GBE1: variants seen among roughly 807,000 people sequenced by gnomAD.
GBE1 encodes 1,4-alpha-glucan branching enzyme 1, also known as 1,4-alpha-glucan-branching enzyme.
Under a neutral mutation model 88.8 loss-of-function variants are expected in GBE1, and 70 were observed. The observed-to-expected ratio is 0.79, with a 90% CI of 0.65 to 0.96. GBE1 has a LOEUF of 0.96. GBE1 is among the 40% of genes least tolerant of loss of function. The pLI is 0.00. For synonymous variants in GBE1, 284 were observed against 300.1 expected (o/e 0.95, Z 0.56); for missense variants, 872 against 871.0 (o/e 1.00, Z -0.01).
At chr3:81,603,632 T>C (rs1287365695) in intron 7 of GBE1, among the ~76,000 whole-genome samples, 2 of 152,058 alleles carry the variant, frequency 1.3e-5, no homozygotes, top group East Asian at 1.9e-4. Flanking sequence ...GTAGCTGGGA[T>C]TACAGGCACC....
intron 3 of GBE1, among the ~76,000 whole-genome samples, chr3:81,654,235 A>G (rs914952984): frequency 3.9e-5 from 6 of 152,214 alleles, no homozygotes; most frequent in African/African-American, 1.4e-4. Context: ...TAACTTAGTG[A>G]ATGGTTTAAA....
chr3:81,667,302 T>C (rs1288980051), intron 3 of GBE1, among the ~76,000 whole-genome samples: 1 of 152,198 alleles, frequency 6.6e-6, no homozygotes, highest in Non-Finnish European at 1.5e-5. Flanking sequence ...TTTTGTATCC[T>C]GAGACTCCAC....
chr3:81,494,080 G>A (rs996774815), intron 15 of GBE1, among the ~76,000 whole-genome samples: 1 of 151,750 alleles, frequency 6.6e-6, no homozygotes. Context: ...GAAATACTTT[G>A]TAATAATATA....
intron 14 of GBE1, among the ~76,000 whole-genome samples, chr3:81,514,866 GA>G (rs1403960991): frequency 6.6e-6 from 1 of 151,536 alleles, no homozygotes; most frequent in Non-Finnish European, 1.5e-5. Context: ...GATACTCATT[GA>G]AAAAGGTAAT....
intron 14 of GBE1, among the ~76,000 whole-genome samples, chr3:81,522,569 TA>T (rs938586039): frequency 2.6e-5 from 4 of 151,370 alleles, no homozygotes; most frequent in African/African-American, 9.7e-5. Flanking sequence ...ATATATAAAG[TA>T]AAAAACATGA....
At chr3:81,667,430 C>G (rs1032968508) in intron 3 of GBE1, among the ~76,000 whole-genome samples, 16 of 152,056 alleles carry the variant, frequency 1.1e-4, no homozygotes, top group Non-Finnish European at 2.1e-4. Flanking sequence ...TTTTGAATAC[C>G]CTTTATTTCT....
rs529824903 is a variant in GBE1, at chr3:81,749,163, AT to A, written c.143+12211del. Among the ~76,000 whole-genome samples, 87 of 152,324 alleles carry A rather than the reference AT, an allele frequency of 5.7e-4. 2 individuals carry two copies. In the South Asian group the frequency reaches 0.018, roughly 31 times the overall value. The stretch of plus-strand genomic sequence containing the variant: ...ATATTCATATCTTAGGTTTACTGTA[AT>A]ATTTGTAATAGCCAAAAACTGGGAA... On this transcript the variant is annotated intron_variant, in intron 1 of 15. Coordinates refer to ENST00000429644, the MANE Select transcript of GBE1 (RefSeq NM_000158.4).
chr3:81,555,379 GCTAA>G (rs2106901325), intron 12 of GBE1, among the ~76,000 whole-genome samples: 1 of 152,164 alleles, frequency 6.6e-6, no homozygotes, highest in Non-Finnish European at 1.5e-5. Context: ...CTTCCATATG[GCTAA>G]CTCATTCTTT....
At chr3:81,503,789 T>C (rs1299102122) in intron 14 of GBE1, among the ~76,000 whole-genome samples, 1 of 152,178 alleles carries the variant, frequency 6.6e-6, no homozygotes, top group Non-Finnish European at 1.5e-5. Flanking sequence ...AGTGTTTTCA[T>C]ATACAGTTTC....
chr3:81,664,136 T>C (rs1705075202), intron 3 of GBE1, among the ~76,000 whole-genome samples: 1 of 152,148 alleles, frequency 6.6e-6, no homozygotes, highest in African/African-American at 2.4e-5. Context: ...TACCTAGGAA[T>C]GCTAGGGGCA....
chr3:81,545,636 G>GTATGTGTGTGTGTT (rs1553681147), intron 12 of GBE1, among the ~76,000 whole-genome samples: 1 of 151,994 alleles, frequency 6.6e-6, no homozygotes, highest in Admixed American at 6.6e-5. Flanking sequence ...GTGTGTGTGT[G>GTATGTGTGTGTGTT]TATGTGTGTG....
At chr3:81,620,694 C>T (rs535910071) in intron 7 of GBE1, among the ~76,000 whole-genome samples, 1 of 151,854 alleles carries the variant, frequency 6.6e-6, no homozygotes, top group South Asian at 2.1e-4. Context: ...GTAATTTATA[C>T]AATATTAGAT....
At chr3:81,726,616 T>C (rs1706116188) in intron 1 of GBE1, among the ~76,000 whole-genome samples, 1 of 150,804 alleles carries the variant, frequency 6.6e-6, no homozygotes. Context: ...GGAGTCTCTG[T>C]CTGTCTTCAG....
At chr3:81,554,526 G>A (rs116163465) in intron 12 of GBE1, among the ~76,000 whole-genome samples, 5 of 152,240 alleles carry the variant, frequency 3.3e-5, no homozygotes, top group South Asian at 2.1e-4. Flanking sequence ...ATATGCTACC[G>A]CTAAGTCAGA....
At chr3:81,569,302 A>T (rs942961541) in intron 12 of GBE1, among the ~76,000 whole-genome samples, 1 of 152,244 alleles carries the variant, frequency 6.6e-6, no homozygotes, top group Non-Finnish European at 1.5e-5. Flanking sequence ...ATGCTAAGAT[A>T]AAAAATGTTA....
intron 1 of GBE1, among the ~76,000 whole-genome samples, chr3:81,746,486 C>T (rs1706421697): frequency 6.6e-6 from 1 of 152,140 alleles, no homozygotes; most frequent in South Asian, 2.1e-4. Context: ...TCTCAAAACT[C>T]CTGGGCTCAT....
chr3:81,655,934 C>T (rs917792640), intron 3 of GBE1, among the ~76,000 whole-genome samples: 2 of 152,128 alleles, frequency 1.3e-5, no homozygotes, highest in African/African-American at 4.8e-5. Context: ...TAAAGTAAAG[C>T]TCATAAATTT....
intron 7 of GBE1, among the ~76,000 whole-genome samples, chr3:81,640,583 G>A (rs1258700253): frequency 3.3e-5 from 5 of 151,644 alleles, no homozygotes; most frequent in Non-Finnish European, 5.9e-5. Flanking sequence ...GTCAGTTCTC[G>A]TAATAAACTC....
chr3:81,627,826 C>A (rs1704440466), intron 7 of GBE1, among the ~76,000 whole-genome samples: 1 of 151,288 alleles, frequency 6.6e-6, no homozygotes, highest in Non-Finnish European at 1.5e-5. Flanking sequence ...GTCACCCAGG[C>A]TGGAATGCAG....
Sources: gnomAD v4.1 joint callset for allele counts (sites outside exome capture counted in the v4.1 genomes callset) on GRCh38, gnomAD v4.1.1 for gene constraint, MANE v1.5 for transcripts, NCBI Gene and HGNC (gene_info 2026-07-23, HGNC 2026-07-21) for gene names.